The following ZNF221 variants were observed in gnomAD, a reference collection of about 807,000 sequenced individuals.
The protein encoded by ZNF221 is zinc finger protein 221.
A neutral mutation model predicts 12.6 loss-of-function variants in ZNF221; 10 were observed. The observed-to-expected ratio is 0.79, with a 90% CI of 0.49 to 1.34. ZNF221 has a LOEUF of 1.34. Among genes scored for constraint, ZNF221 ranks in the 40% most tolerant of loss-of-function variants. The probability of loss-of-function intolerance (pLI) is 0.00; values close to 1 mark genes in which losing one functional copy is unlikely to be tolerated. For missense variants in ZNF221, 661 were observed against 721.4 expected, an observed-to-expected ratio of 0.92 and a Z score of 0.96; for synonymous variants, 232 against 244.0, an observed-to-expected ratio of 0.95 and a Z score of 0.46.
chr19:43,977,727 A>C, the ZNF221 span, among the ~76,000 whole-genome samples: 1 of 152,238 alleles, frequency 6.6e-6, no homozygotes, highest in Non-Finnish European at 1.5e-5. Flanking sequence ...TAACTGTATT[A>C]GGTTAAAAGG....
chr19:43,970,461 A>G (rs1975073732), downstream of ZNF221, among the ~76,000 whole-genome samples: 1 of 152,194 alleles, frequency 6.6e-6, no homozygotes, highest in Non-Finnish European at 1.5e-5. Flanking sequence ...TGGGTAATGA[A>G]CTTTGCTGAG....
At position 43,965,072 on chromosome 19, in the gene ZNF221, A is replaced by G; in HGVS notation, c.204A>G (p.Ser68=). 1 of 1,614,170 alleles carries G rather than the reference A, an allele frequency of 6.2e-7. No homozygotes were observed. The highest frequency in any genetic ancestry group is 8.5e-7 in the Non-Finnish European group (1 of 1,180,008). Residue 68 remains serine, a synonymous_variant, in exon 3 of 5, where the codon TCA becomes TCG. Transcript: ENST00000587682. ...TAGAGAACTTCAGGAACCTGCTCTC[A>G]GTAGGTGAGGACAGGCACCCTCTGT... ...VMLENFRNLL[S]VGNQPFHQDT... is the part of the protein sequence containing the mutation.
the ZNF221 span, among the ~76,000 whole-genome samples, chr19:43,976,277 C>T: frequency 6.6e-6 from 1 of 151,966 alleles, no homozygotes. Flanking sequence ...GTGGCTCACT[C>T]CTGTAATCCC....
At chr19:43,955,418 G>A (rs1444752041) in intron 1 of ZNF221, among the ~76,000 whole-genome samples, 2 of 152,078 alleles carry the variant, frequency 1.3e-5, no homozygotes, top group African/African-American at 2.4e-5. Context: ...CTAATTTCAC[G>A]GACCCAGGCA....
At chr19:43,954,078 C>T (rs1382772282) in intron 1 of ZNF221, among the ~76,000 whole-genome samples, 3 of 93,882 alleles carry the variant, frequency 3.2e-5, no homozygotes, top group Non-Finnish European at 6.5e-5. Context: ...AGTGAGACTC[C>T]GTCTCAAAAA....
chr19:43,954,083 C>CAAAAAAAA (rs5828186), intron 1 of ZNF221, among the ~76,000 whole-genome samples: 2 of 86,678 alleles, frequency 2.3e-5, no homozygotes, highest in African/African-American at 4.6e-5. Context: ...GACTCCGTCT[C>CAAAAAAAA]AAAAAAAAAA....
At chr19:43,953,695 T>C (rs1974710941) in intron 1 of ZNF221, among the ~76,000 whole-genome samples, 1 of 152,186 alleles carries the variant, frequency 6.6e-6, no homozygotes, top group Non-Finnish European at 1.5e-5. Context: ...AGGATTTTAG[T>C]TGTATGCCAG....
chr19:43,970,561 G>A (rs561198074), downstream of ZNF221, among the ~76,000 whole-genome samples: 12 of 152,320 alleles, frequency 7.9e-5, no homozygotes, highest in South Asian at 2.5e-3. Context: ...CCAGTTTAGA[G>A]AGGAACATAA....
chr19:43,968,617 G>A (rs1479164281), downstream of ZNF221, among the ~76,000 whole-genome samples: 1 of 152,220 alleles, frequency 6.6e-6, no homozygotes, highest in Non-Finnish European at 1.5e-5. Flanking sequence ...AGCAGCTATG[G>A]TTCATGGTAC....
At chr19:43,965,408 G>A in intron 4 of ZNF221, 83 bp downstream of exon 4, 1 of 1,267,596 alleles carries the variant, frequency 7.9e-7, no homozygotes, top group Non-Finnish European at 1.1e-6. Flanking sequence ...CATCACCCTG[G>A]TCTAAATTGC....
chr19:43,960,546 G>A (rs116797599), intron 1 of ZNF221, among the ~76,000 whole-genome samples: 3,365 of 152,270 alleles, frequency 0.022, 134 homozygotes, highest in African/African-American at 0.077. Flanking sequence ...CATTTCAGAA[G>A]TCTTCAGGAA....
chr19:43,967,011 A>T lies in ZNF221; in HGVS notation c.1509A>T (p.Glu503Asp). ...LLKHQRLHSG[E>D]KPFKCEECGK... Reference sequence around the variant, plus strand: ...AACATCAGAGACTCCACAGTGGGGAAAAACCTTTCAAATGTGAAGAGTGTG... The same window carrying T: ...AACATCAGAGACTCCACAGTGGGGATAAACCTTTCAAATGTGAAGAGTGTG... Residue 503 changes from glutamate (E) to aspartate (D), a missense_variant, in exon 5 of 5, where the codon GAA (glutamate) becomes GAT (aspartate). Coordinates refer to ENST00000587682, the MANE Select transcript of ZNF221 (RefSeq NM_001297588.2). 1 of 1,613,820 alleles carries T rather than the reference A, an allele frequency of 6.2e-7. No homozygotes were observed. Among genetic ancestry groups the T allele is most frequent in the Non-Finnish European group, 8.5e-7 (1 of 1,179,940 alleles).
In ZNF221 at chr19:43,965,936, A is replaced by C. The variant is rs749253928; in HGVS notation, c.434A>C (p.Gln145Pro). Residue 145 changes from glutamine to proline, a missense_variant, in exon 5 of 5, where the codon CAG becomes CCG. Gln to Pro is a moderately conservative substitution (Grantham distance 76). Coordinates refer to ENST00000587682, the MANE Select transcript of ZNF221 (RefSeq NM_001297588.2). ...CAAAACTCCATAAGGAACAGCTCTC[A>C]GTTCTTCAAAGAAGGTGATGTCCCC... is the stretch of plus-strand genomic sequence containing the variant. ...RSQNSIRNSS[Q>P]FFKEGDVPCQ... The C allele has an allele frequency of 1.2e-6, 2 of 1,614,122 alleles. No homozygotes were observed. Among genetic ancestry groups the C allele is most frequent in the East Asian group, 2.2e-5 (1 of 44,890 alleles).
chr19:43,957,521 G>C (rs1455632739), intron 1 of ZNF221, among the ~76,000 whole-genome samples: 1 of 152,154 alleles, frequency 6.6e-6, no homozygotes, highest in African/African-American at 2.4e-5. Flanking sequence ...AGCAGCTTTA[G>C]GCTAAACTTA....
the ZNF221 span, chr19:43,977,563 T>C: frequency 3.9e-5 from 6 of 152,090 alleles, no homozygotes; most frequent in South Asian, 4.1e-4. Context: ...TGGGTATATA[T>C]AGTTGTGGAG....
At chr19:43,955,116 T>A (rs936759259) in intron 1 of ZNF221, among the ~76,000 whole-genome samples, 1 of 151,294 alleles carries the variant, frequency 6.6e-6, no homozygotes, top group African/African-American at 2.4e-5. Flanking sequence ...TCTTTCTTCT[T>A]TTTTTTTAAA....
chr19:43,978,819 C>T, the ZNF221 span, among the ~76,000 whole-genome samples: 2 of 151,938 alleles, frequency 1.3e-5, no homozygotes, highest in African/African-American at 4.8e-5. Context: ...TGCAGAGTCT[C>T]AATCTCTGTG....
In ZNF221 at chr19:43,967,468, C is replaced by A; in HGVS notation, c.*112C>A. ...TGAGAACTGTGGGAAGAGCTTTGTA[C>A]ATAGATCATATCTTTTTTTTTTTTT... On this transcript the variant is annotated 3_prime_UTR_variant, in exon 5 of 5. Transcript: ENST00000587682. The A allele has an allele frequency of 4.6e-5, 35 of 767,438 alleles. No individual in the cohort carries two copies. Among genetic ancestry groups the A allele is most frequent in the Non-Finnish European group, 6.7e-5 (32 of 477,500 alleles). The allele number at this position is 767,438 out of a possible 1,614,324, so 47.5% of individuals were successfully genotyped here.
chr19:43,964,148 G>T (rs557783627), intron 2 of ZNF221, among the ~76,000 whole-genome samples: 1 of 152,140 alleles, frequency 6.6e-6, no homozygotes, highest in African/African-American at 2.4e-5. Flanking sequence ...TATGAAATGA[G>T]ATGAAATAAA....
Sources: gnomAD v4.1 joint callset for allele counts (sites outside exome capture counted in the v4.1 genomes callset) on GRCh38, gnomAD v4.1.1 for gene constraint, MANE v1.5 for transcripts, NCBI Gene and HGNC (gene_info 2026-07-23, HGNC 2026-07-21) for gene names.